The following NR2F1-AS1 variants were observed in gnomAD, a reference collection of about 807,000 sequenced individuals.
NR2F1-AS1 encodes NR2F1 regulatory antisense RNA 1.
chr5:93,438,361 A>G (rs1366871059), intron 4 of NR2F1-AS1, among the ~76,000 whole-genome samples: 2 of 152,206 alleles, frequency 1.3e-5, no homozygotes, highest in Admixed American at 6.6e-5. Flanking sequence ...TCGTACAAGC[A>G]TCACTATATA....
At chr5:93,555,969 G>A (rs1371934326) in intron 2 of NR2F1-AS1, among the ~76,000 whole-genome samples, 6 of 152,050 alleles carry the variant, frequency 3.9e-5, no homozygotes, top group East Asian at 1.9e-4. Flanking sequence ...ACAATTTCTC[G>A]AAGCTGTGAT....
intron 4 of NR2F1-AS1, among the ~76,000 whole-genome samples, chr5:93,515,761 A>G (rs1356198418): frequency 6.6e-6 from 1 of 151,898 alleles, no homozygotes; most frequent in East Asian, 1.9e-4. Flanking sequence ...GATTGAATAG[A>G]GATAATGCCA....
chr5:93,486,581 C>T (rs907724669), intron 4 of NR2F1-AS1, among the ~76,000 whole-genome samples: 13 of 152,180 alleles, frequency 8.5e-5, no homozygotes, highest in Admixed American at 8.5e-4. Context: ...ATAACAAGTT[C>T]TGAAATTGCA....
intron 2 of NR2F1-AS1, among the ~76,000 whole-genome samples, chr5:93,559,131 A>T (rs1752429063): frequency 6.6e-6 from 1 of 152,232 alleles, no homozygotes; most frequent in Non-Finnish European, 1.5e-5. Flanking sequence ...CACTGAAAAT[A>T]TGTTGTTTGT....
chr5:93,471,113 G>C (rs1162310460), intron 4 of NR2F1-AS1, among the ~76,000 whole-genome samples: 1 of 151,834 alleles, frequency 6.6e-6, no homozygotes, highest in Non-Finnish European at 1.5e-5. Context: ...TTCTAAATTA[G>C]TGCCAAAATG....
At chr5:93,432,190 G>C (rs1749340717) in intron 4 of NR2F1-AS1, among the ~76,000 whole-genome samples, 1 of 152,044 alleles carries the variant, frequency 6.6e-6, no homozygotes, top group African/African-American at 2.4e-5. Context: ...TCCATTATAA[G>C]AATAAAAAAT....
rs982694039 is a variant in NR2F1-AS1 at position 93,563,824 on chromosome 5, C to T, written n.314-361G>A. Among the ~76,000 whole-genome samples the T allele has an allele frequency of 1.6e-4, 25 of 152,002 alleles. No homozygotes were observed. In the South Asian group the frequency reaches 1.7e-3, roughly 10 times the overall value. ...GCTTATTAAAACACAACTACCAGGC[C>T]GGGTGCAGTGGCTCATGCCTGTAAT... On this transcript the variant is annotated intron_variant and non_coding_transcript_variant, in intron 1 of 5. Coordinates refer to ENST00000660523, the Ensembl canonical transcript of NR2F1-AS1.
At chr5:93,475,363 C>A (rs1396383042) in intron 4 of NR2F1-AS1, among the ~76,000 whole-genome samples, 1 of 152,070 alleles carries the variant, frequency 6.6e-6, no homozygotes, top group Non-Finnish European at 1.5e-5. Context: ...GGAAAGTCAA[C>A]TCTAGAAAAA....
intron 4 of NR2F1-AS1, among the ~76,000 whole-genome samples, chr5:93,455,727 T>C (rs1280202603): frequency 1.3e-5 from 2 of 151,882 alleles, no homozygotes; most frequent in Non-Finnish European, 2.9e-5. Context: ...AACACACACA[T>C]ATACAAACAC....
intron 4 of NR2F1-AS1, chr5:93,542,980 T>C (rs1462835868): frequency 6.6e-6 from 1 of 152,200 alleles, no homozygotes; most frequent in Admixed American, 6.5e-5. Context: ...AAAAGAGAAA[T>C]GGCAAAGGAG....
At chr5:93,517,898 GT>G (rs1751429780) in intron 4 of NR2F1-AS1, among the ~76,000 whole-genome samples, 1 of 151,976 alleles carries the variant, frequency 6.6e-6, no homozygotes, top group Non-Finnish European at 1.5e-5. Context: ...ACTTTTTGTA[GT>G]TTACAAACTT....
At position 93,427,766 on chromosome 5, in the gene NR2F1-AS1, T is replaced by C. The variant is rs550981642; in HGVS notation, n.639-32224A>G. 7.9e-5 allele frequency among the ~76,000 whole-genome samples: 12 copies of C among 152,326 alleles called. No individual in the cohort carries two copies. In the East Asian group the frequency reaches 2.3e-3, roughly 29 times the overall value. ...ATTCACATGTAAATTAAAAAAATACTAAACCATAAAGGACAAAATGTACAC... is the reference window on the plus strand; with the variant it reads ...ATTCACATGTAAATTAAAAAAATACCAAACCATAAAGGACAAAATGTACAC... On this transcript the variant is annotated intron_variant and non_coding_transcript_variant, in intron 4 of 5. Coordinates refer to ENST00000660523, the Ensembl canonical transcript of NR2F1-AS1.
intron 4 of NR2F1-AS1, among the ~76,000 whole-genome samples, chr5:93,485,244 T>G (rs1355147232): frequency 6.6e-6 from 1 of 151,898 alleles, no homozygotes; most frequent in Non-Finnish European, 1.5e-5. Context: ...TGCAAAAAAG[T>G]AGAAATCATA....
At chr5:93,428,885 C>T in intron 4 of NR2F1-AS1, among the ~76,000 whole-genome samples, 1 of 152,060 alleles carries the variant, frequency 6.6e-6, no homozygotes, top group South Asian at 2.1e-4. Flanking sequence ...AAGACGTATC[C>T]AATTTTTAAA....
At chr5:93,581,580 C>T (rs1161242100), upstream of NR2F1-AS1, among the ~76,000 whole-genome samples, 2 of 151,482 alleles carry the variant, frequency 1.3e-5, no homozygotes, top group African/African-American at 4.8e-5. Flanking sequence ...GCCAGCGATT[C>T]CTGCAAGCCC....
At chr5:93,530,816 T>C (rs746387083) in intron 4 of NR2F1-AS1, among the ~76,000 whole-genome samples, 1 of 152,190 alleles carries the variant, frequency 6.6e-6, no homozygotes, top group Non-Finnish European at 1.5e-5. Flanking sequence ...AAGACTGGGT[T>C]ATATCCTTCA....
At chr5:93,545,762 G>C (rs1332952141) in intron 4 of NR2F1-AS1, among the ~76,000 whole-genome samples, 2 of 152,164 alleles carry the variant, frequency 1.3e-5, no homozygotes, top group Admixed American at 1.3e-4. Flanking sequence ...CATTAATTTT[G>C]CCTTAACCTC....
chr5:93,449,422 C>T (rs1749783284), intron 4 of NR2F1-AS1, among the ~76,000 whole-genome samples: 1 of 152,070 alleles, frequency 6.6e-6, no homozygotes, highest in African/African-American at 2.4e-5. Flanking sequence ...TTACTTTACT[C>T]CTTTACTCCA....
chr5:93,518,249 G>C (rs567850848), intron 4 of NR2F1-AS1, among the ~76,000 whole-genome samples: 1 of 152,244 alleles, frequency 6.6e-6, no homozygotes, highest in African/African-American at 2.4e-5. Flanking sequence ...CTAGTGGTAA[G>C]TAGACCTAGT....
Sources: allele counts gnomAD v4.1 joint callset (sites outside exome capture counted in the v4.1 genomes callset), GRCh38; gene constraint gnomAD v4.1.1; transcripts MANE v1.5; gene names NCBI Gene and HGNC (gene_info 2026-07-23, HGNC 2026-07-21).